Variants in STPG2 observed in about 807,000 individuals in gnomAD.
The protein encoded by STPG2 is sperm tail PG-rich repeat containing 2.
In STPG2, 56 loss-of-function variants were observed where a neutral mutation model predicts 54.2. That is an observed-to-expected ratio of 1.03 (90% CI 0.83 to 1.29). The LOEUF (loss-of-function observed/expected upper bound fraction) is 1.29. STPG2 is among the 50% of genes most tolerant of loss of function. The pLI is 0.00. For missense variants in STPG2, 596 were observed against 544.9 expected (o/e 1.09, Z -0.93); for synonymous variants, 200 against 181.8 (o/e 1.10, Z -0.81).
intron 5 of STPG2, among the ~76,000 whole-genome samples, chr4:98,001,899 C>T (rs2149276213): frequency 1.3e-5 from 2 of 152,258 alleles, no homozygotes; most frequent in Middle Eastern, 6.8e-3. Context: ...GGATTAAATT[C>T]AGCCCATAAG....
chr4:97,833,010 C>T (rs1189151855), intron 9 of STPG2, among the ~76,000 whole-genome samples: 1 of 152,112 alleles, frequency 6.6e-6, no homozygotes, highest in East Asian at 1.9e-4. Flanking sequence ...GAAAAAACTA[C>T]TTTAAATTTC....
chr4:97,777,863 G>C (rs1726431158), intron 9 of STPG2, among the ~76,000 whole-genome samples: 1 of 152,162 alleles, frequency 6.6e-6, no homozygotes, highest in Non-Finnish European at 1.5e-5. Context: ...ATCTCTGATA[G>C]AGTATCAAAC....
At chr4:97,520,614 T>C (rs913431342) in intron 4 of STPG2, among the ~76,000 whole-genome samples, 1 of 152,084 alleles carries the variant, frequency 6.6e-6, no homozygotes, top group African/African-American at 2.4e-5. Context: ...AAGTTCCTGG[T>C]CTAGAATATT....
intron 9 of STPG2, among the ~76,000 whole-genome samples, chr4:97,832,218 T>G (rs879197190): frequency 4.6e-5 from 7 of 152,112 alleles, no homozygotes; most frequent in African/African-American, 1.4e-4. Flanking sequence ...GTTCAATATA[T>G]GCAAATCAAT....
At chr4:97,583,591 C>G (rs1404737697) in intron 10 of STPG2, among the ~76,000 whole-genome samples, 1 of 151,436 alleles carries the variant, frequency 6.6e-6, no homozygotes, top group African/African-American at 2.4e-5. Flanking sequence ...CCATTTAGGA[C>G]TATTTGGTTG....
At chr4:98,001,285 G>A (rs1269018072) in intron 5 of STPG2, among the ~76,000 whole-genome samples, 1 of 151,558 alleles carries the variant, frequency 6.6e-6, no homozygotes, top group African/African-American at 2.4e-5. Flanking sequence ...TATACAAATA[G>A]CTTGTATAGG....
Position 97,826,416 on chromosome 4 carries a change from C to T in STPG2, c.1204+14357G>A, listed in dbSNP as rs558656274. 3.3e-5 allele frequency among the ~76,000 whole-genome samples: 5 copies of T among 152,180 alleles called. No homozygotes were observed. In the South Asian group the frequency reaches 8.3e-4, roughly 25 times the overall value. ...AAAAATTAATTGTAAAGAGATTCTGCGTGCAAACATATTGGCTAAAGTTAA... is the reference window on the plus strand; with the variant it reads ...AAAAATTAATTGTAAAGAGATTCTGTGTGCAAACATATTGGCTAAAGTTAA... On this transcript the variant is annotated intron_variant, in intron 9 of 10. Coordinates refer to ENST00000295268, the MANE Select transcript of STPG2 (RefSeq NM_174952.3).
intron 5 of STPG2, among the ~76,000 whole-genome samples, chr4:98,041,914 GTTC>G (rs1736972596): frequency 6.6e-6 from 1 of 151,922 alleles, no homozygotes; most frequent in Admixed American, 6.6e-5. Context: ...ATTGGTACAA[GTTC>G]TTCTTTGTAT....
chr4:97,458,353 GATGA>G (rs1340141723), intron 4 of STPG2, among the ~76,000 whole-genome samples: 1 of 152,124 alleles, frequency 6.6e-6, no homozygotes, highest in Non-Finnish European at 1.5e-5. Context: ...TTGAAATTAT[GATGA>G]ATGAGTTTGA....
intron 9 of STPG2, among the ~76,000 whole-genome samples, chr4:97,773,249 G>A (rs1049135444): frequency 2.0e-5 from 3 of 151,724 alleles, no homozygotes; most frequent in African/African-American, 7.3e-5. Flanking sequence ...TGAATTTATT[G>A]GATTCAAAAC....
At chr4:98,126,747 G>C (rs770493792) in intron 3 of STPG2, among the ~76,000 whole-genome samples, 25 of 152,014 alleles carry the variant, frequency 1.6e-4, no homozygotes, top group Non-Finnish European at 2.5e-4. Context: ...GAACTACTTA[G>C]GGGTAAAGAG....
chr4:98,062,217 G>C (rs13110683), intron 5 of STPG2, among the ~76,000 whole-genome samples: 41,632 of 152,052 alleles, frequency 0.27, 5,985 homozygotes, highest in Middle Eastern at 0.36. Flanking sequence ...AATACCATGT[G>C]TTCTCACGTA....
chr4:97,981,149 A>T lies in STPG2; in HGVS notation c.772+10T>A. On this transcript the variant is annotated intron_variant, in intron 6 of 10. Transcript: ENST00000295268. ...GCCAAAGAGTAGACATATATAGATA[A>T]ATTGCTAACCTGGCATTTCCTCTGT... 2 of 1,612,740 alleles carry T rather than the reference A, an allele frequency of 1.2e-6. No homozygotes were observed. The highest frequency in any genetic ancestry group is 1.7e-6 in the Non-Finnish European group (2 of 1,179,658).
At chr4:97,980,137 A>G (rs1481681001) in intron 6 of STPG2, among the ~76,000 whole-genome samples, 1 of 149,030 alleles carries the variant, frequency 6.7e-6, no homozygotes, top group African/African-American at 2.6e-5. Flanking sequence ...GTGAACTATG[A>G]TCATGCCACT....
chr4:97,541,408 T>C (rs1039781767), intron 4 of STPG2, among the ~76,000 whole-genome samples: 3 of 152,172 alleles, frequency 2.0e-5, no homozygotes, highest in African/African-American at 7.2e-5. Context: ...GAATCCAAGT[T>C]ACAAGGGATG....
At chr4:98,080,871 T>C (rs1041444214) in intron 5 of STPG2, among the ~76,000 whole-genome samples, 61 of 152,206 alleles carry the variant, frequency 4.0e-4, no homozygotes, top group African/African-American at 1.4e-3. Context: ...CAACCAATTA[T>C]TGATTTTCCT....
intron 8 of STPG2, among the ~76,000 whole-genome samples, chr4:97,903,491 AT>A (rs1261054096): frequency 2.0e-5 from 3 of 152,152 alleles, no homozygotes; most frequent in Non-Finnish European, 1.5e-5. Context: ...AAGGAGAAAA[AT>A]AATAGACAGT....
At chr4:97,714,117 G>A (rs1430290007) in intron 9 of STPG2, among the ~76,000 whole-genome samples, 1 of 151,942 alleles carries the variant, frequency 6.6e-6, no homozygotes, top group Non-Finnish European at 1.5e-5. Context: ...AAATAGAAGA[G>A]TAGATATAAT....
intron 9 of STPG2, among the ~76,000 whole-genome samples, chr4:97,805,282 C>G (rs1727520534): frequency 6.6e-6 from 1 of 152,178 alleles, no homozygotes; most frequent in African/African-American, 2.4e-5. Flanking sequence ...TCTCCCCTCA[C>G]TGCAACCTCC....
Sources: gnomAD v4.1 joint callset for allele counts (sites outside exome capture counted in the v4.1 genomes callset) on GRCh38, gnomAD v4.1.1 for gene constraint, MANE v1.5 for transcripts, NCBI Gene and HGNC (gene_info 2026-07-23, HGNC 2026-07-21) for gene names.